DYNC1I1: variants seen among roughly 807,000 people sequenced by gnomAD.
DYNC1I1 encodes the protein cytoplasmic dynein 1 intermediate chain 1.
Under a neutral mutation model 86.6 loss-of-function variants are expected in DYNC1I1, and 43 were observed. The observed-to-expected ratio is 0.50, with a 90% CI of 0.39 to 0.64. DYNC1I1 has a LOEUF of 0.64. DYNC1I1 is among the 30% of genes least tolerant of loss of function. DYNC1I1 has a pLI of 0.00. For missense variants in DYNC1I1, 604 were observed against 788.8 expected, an observed-to-expected ratio of 0.77 and a Z score of 2.81; for synonymous variants, 262 against 283.7, an observed-to-expected ratio of 0.92 and a Z score of 0.77.
At chr7:95,857,029 C>T (rs994488994) in intron 5 of DYNC1I1, among the ~76,000 whole-genome samples, 1 of 152,034 alleles carries the variant, frequency 6.6e-6, no homozygotes, top group African/African-American at 2.4e-5. Context: ...TCAACCATAG[C>T]CTTGTTGACA....
intron 16 of DYNC1I1, among the ~76,000 whole-genome samples, chr7:96,082,300 TTCTC>T (rs1224542755): frequency 5.3e-5 from 8 of 151,198 alleles, no homozygotes; most frequent in African/African-American, 1.7e-4. Context: ...AAAAAGCCTT[TTCTC>T]TCTCTTTCTT....
intron 9 of DYNC1I1, among the ~76,000 whole-genome samples, chr7:95,993,825 A>G (rs761837424): frequency 1.3e-5 from 2 of 152,252 alleles, no homozygotes; most frequent in Non-Finnish European, 2.9e-5. Flanking sequence ...TCCATTAAAT[A>G]TATGTATAGA....
At chr7:95,998,497 A>G (rs1793927595) in intron 10 of DYNC1I1, among the ~76,000 whole-genome samples, 1 of 152,234 alleles carries the variant, frequency 6.6e-6, no homozygotes, top group Non-Finnish European at 1.5e-5. Flanking sequence ...TCACTGACCT[A>G]TAACTTTTCT....
At chr7:95,815,707 A>G (rs1018664181) in intron 4 of DYNC1I1, among the ~76,000 whole-genome samples, 2 of 152,176 alleles carry the variant, frequency 1.3e-5, no homozygotes, top group African/African-American at 4.8e-5. Context: ...GTTATTCTTA[A>G]GAATATAACT....
intron 16 of DYNC1I1, among the ~76,000 whole-genome samples, chr7:96,103,872 A>G (rs1791174398): frequency 6.6e-6 from 1 of 152,142 alleles, no homozygotes; most frequent in Admixed American, 6.5e-5. Flanking sequence ...TCAGCCTCCC[A>G]AAGTGCTGGG....
chr7:95,893,615 A>G (rs4727329), intron 6 of DYNC1I1, among the ~76,000 whole-genome samples: 12,230 of 152,242 alleles, frequency 0.08, 750 homozygotes, highest in Admixed American at 0.22. Flanking sequence ...TACAAGGTCC[A>G]TCATCTTGCT....
At chr7:95,864,294 G>A (rs1189584500) in intron 5 of DYNC1I1, among the ~76,000 whole-genome samples, 3 of 152,160 alleles carry the variant, frequency 2.0e-5, no homozygotes. Flanking sequence ...GTCCAATCAA[G>A]GACAAATGGA....
chr7:96,023,884 T>A (rs1412003425), intron 10 of DYNC1I1, among the ~76,000 whole-genome samples: 2 of 152,200 alleles, frequency 1.3e-5, no homozygotes, highest in Non-Finnish European at 2.9e-5. Flanking sequence ...CAGAGATGGC[T>A]TGGTCTTCGA....
intron 5 of DYNC1I1, among the ~76,000 whole-genome samples, chr7:95,841,151 C>T (rs1398404427): frequency 6.6e-6 from 1 of 152,090 alleles, no homozygotes; most frequent in Non-Finnish European, 1.5e-5. Flanking sequence ...GAGGCCAGTC[C>T]CTCTGGTAGC....
At chr7:96,047,771 G>C (rs1562984809) in intron 14 of DYNC1I1, among the ~76,000 whole-genome samples, 1 of 152,130 alleles carries the variant, frequency 6.6e-6, no homozygotes, top group Non-Finnish European at 1.5e-5. Context: ...GGCCTGAAGA[G>C]GAGCCAGTGA....
At chr7:96,055,156 A>G (rs1030077836) in intron 14 of DYNC1I1, among the ~76,000 whole-genome samples, 1 of 152,102 alleles carries the variant, frequency 6.6e-6, no homozygotes, top group Non-Finnish European at 1.5e-5. Flanking sequence ...GGTGTAAGGA[A>G]TGGGTCTAAT....
At chr7:96,071,124 AT>A (rs1356645250) in intron 14 of DYNC1I1, among the ~76,000 whole-genome samples, 1 of 152,162 alleles carries the variant, frequency 6.6e-6, no homozygotes, top group Non-Finnish European at 1.5e-5. Flanking sequence ...TACTTCCATA[AT>A]TTTAACTTTT....
At chr7:96,096,859 A>G (rs1791024740) in intron 16 of DYNC1I1, among the ~76,000 whole-genome samples, 1 of 152,126 alleles carries the variant, frequency 6.6e-6, no homozygotes, top group Admixed American at 6.6e-5. Flanking sequence ...GTGAGGCACA[A>G]TAGGATTATT....
chr7:95,884,198 G>T (rs1182350391), intron 6 of DYNC1I1, among the ~76,000 whole-genome samples: 1 of 152,186 alleles, frequency 6.6e-6, no homozygotes, highest in Non-Finnish European at 1.5e-5. Flanking sequence ...GTCTGGCAAT[G>T]TTGTAGACTC....
At chr7:96,101,315 T>A (rs1159192252), downstream of DYNC1I1, among the ~76,000 whole-genome samples, 1 of 152,160 alleles carries the variant, frequency 6.6e-6, no homozygotes, top group Non-Finnish European at 1.5e-5. Flanking sequence ...CTGAAGACTG[T>A]TACCTCAATA....
At chr7:95,938,157 T>G (rs908679382) in intron 6 of DYNC1I1, among the ~76,000 whole-genome samples, 1 of 152,186 alleles carries the variant, frequency 6.6e-6, no homozygotes, top group Non-Finnish European at 1.5e-5. Context: ...TTCCTCTCAT[T>G]TGCATTAGCC....
intron 10 of DYNC1I1, among the ~76,000 whole-genome samples, chr7:96,002,670 C>T (rs1794040412): frequency 6.6e-6 from 1 of 152,104 alleles, no homozygotes; most frequent in Non-Finnish European, 1.5e-5. Flanking sequence ...GACCTCCCTC[C>T]TTAGTTGCTG....
chr7:95,840,263 C>CTT (rs144555317), intron 5 of DYNC1I1, among the ~76,000 whole-genome samples: 5 of 150,824 alleles, frequency 3.3e-5, no homozygotes, highest in African/African-American at 7.3e-5. Context: ...GTTTTTTATT[C>CTT]TTTTTTTTTC....
chr7:96,092,603 G>A (rs1488436168), intron 16 of DYNC1I1, among the ~76,000 whole-genome samples: 1 of 152,084 alleles, frequency 6.6e-6, no homozygotes, highest in Admixed American at 6.6e-5. Flanking sequence ...CAGGCAAGGC[G>A]AGCAAGGGTT....
Sources: allele counts gnomAD v4.1 joint callset (sites outside exome capture counted in the v4.1 genomes callset), GRCh38; gene constraint gnomAD v4.1.1; transcripts MANE v1.5; gene names NCBI Gene and HGNC (gene_info 2026-07-23, HGNC 2026-07-21).